Variants in PABIR3 observed in about 807,000 individuals in gnomAD.
PABIR3 encodes the protein PABIR family member 1.
Under a neutral mutation model 23.1 loss-of-function variants are expected in PABIR3, and 20 were observed. The ratio of observed to expected loss-of-function variants is 0.86; its 90% confidence interval spans 0.61 to 1.26. The LOEUF (loss-of-function observed/expected upper bound fraction) is 1.26. Ranked by LOEUF, PABIR3 falls within the 50% of genes most tolerant of loss-of-function variation. The probability of loss-of-function intolerance (pLI) is 0.00; values close to 1 mark genes in which losing one functional copy is unlikely to be tolerated. For synonymous variants in PABIR3, 69 were observed against 68.5 expected, an observed-to-expected ratio of 1.01 and a Z score of -0.04; for missense variants, 189 against 195.4, an observed-to-expected ratio of 0.97 and a Z score of 0.20.
intron 6 of PABIR3, among the ~76,000 whole-genome samples, chrX:134,846,188 C>T (rs1208736383): frequency 2.7e-5 from 3 of 111,288 alleles, no homozygotes; most frequent in Non-Finnish European, 5.6e-5. Flanking sequence ...CGTCAAATCT[C>T]GTGAGAACTC....
chrX:134,800,767 C>T (rs776862590), intron 1 of PABIR3, among the ~76,000 whole-genome samples: 6 of 111,862 alleles, frequency 5.4e-5, no homozygotes, highest in South Asian at 3.7e-4. Context: ...TCCAGCCTTG[C>T]GACAGAGCGA....
intron 2 of PABIR3, 101 bp downstream of exon 2, chrX:134,807,809 T>A: frequency 1.1e-6 from 1 of 873,250 alleles, no homozygotes; most frequent in Non-Finnish European, 1.6e-6. Flanking sequence ...GTTGAGGTTC[T>A]GCAGGTAACT....
At position 134,850,399 on chromosome X, in the gene PABIR3, T is replaced by A. The variant is rs561215560; in HGVS notation, c.589+1171T>A. Among the ~76,000 whole-genome samples, 30 of 111,898 alleles carry A rather than the reference T, an allele frequency of 2.7e-4. No homozygotes were observed. In the South Asian group the frequency reaches 3.3e-3, roughly 12 times the overall value. On this transcript the variant is annotated intron_variant, in intron 9 of 10. Transcript: ENST00000645433. ...GCATGTACTTTTTGTATTCTAAGATTAAGGGCTAGATAAATTCTGGAAAAT... is the reference window on the plus strand; with the variant it reads ...GCATGTACTTTTTGTATTCTAAGATAAAGGGCTAGATAAATTCTGGAAAAT...
At chrX:134,842,494 G>T (rs2082268089) in intron 4 of PABIR3, among the ~76,000 whole-genome samples, 2 of 111,204 alleles carry the variant, frequency 1.8e-5, no homozygotes, top group Admixed American at 1.9e-4. Flanking sequence ...TGTAGTCCCA[G>T]CTACTCAGGA....
chrX:134,845,550 C>T (rs2082404618), intron 6 of PABIR3, 149 bp downstream of exon 6: 1 of 510,198 alleles, frequency 2.0e-6, no homozygotes, highest in Admixed American at 4.2e-5. Context: ...TTTTTGAGTG[C>T]TCTTTTTAAT....
intron 1 of PABIR3, chrX:134,799,963 A>C (rs2080018010): frequency 9.3e-6 from 1 of 107,823 alleles, no homozygotes; most frequent in African/African-American, 3.4e-5. Context: ...GGTGTCAAAA[A>C]AAAAAATCCT....
Position 134,854,487 on chromosome X carries a change from T to C in PABIR3, c.*270T>C, listed in dbSNP as rs1209021709. ...ACCATGTTGAAGATACAAGCGTAAA[T>C]TGTTAGGCTGCTATTTTCTAGAAAA... On this transcript the variant is annotated 3_prime_UTR_variant, in exon 11 of 11. Transcript: ENST00000645433. The C allele has an allele frequency of 4.2e-6, 1 of 240,561 alleles. No homozygotes were observed. Among genetic ancestry groups the C allele is most frequent in the African/African-American group, 2.8e-5 (1 of 35,237 alleles). 19.8% of individuals were successfully genotyped at this position (240,561 alleles called of 1,213,427 possible).
chrX:134,827,882 A>G (rs1212769037), intron 3 of PABIR3, among the ~76,000 whole-genome samples: 3 of 108,930 alleles, frequency 2.8e-5, no homozygotes, highest in African/African-American at 1.0e-4. Context: ...TGTCCTTTGA[A>G]CCCAAATCGT....
intron 4 of PABIR3, among the ~76,000 whole-genome samples, chrX:134,841,856 A>T (rs2082245665): frequency 9.0e-6 from 1 of 110,934 alleles, no homozygotes; most frequent in East Asian, 2.8e-4. Flanking sequence ...AAAAATAAAT[A>T]AAAAAATAAA....
chrX:134,806,497 TC>T (rs764014145), upstream of PABIR3, among the ~76,000 whole-genome samples: 57 of 109,353 alleles, frequency 5.2e-4, no homozygotes, highest in Non-Finnish European at 9.5e-4. Context: ...GCACCTGTAA[TC>T]CCAGCTACTC....
intron 3 of PABIR3, among the ~76,000 whole-genome samples, chrX:134,815,677 CT>C (rs1215497909): frequency 0.011 from 1,148 of 102,898 alleles, 6 homozygotes; most frequent in Non-Finnish European, 0.018. Flanking sequence ...TTTTTCTTTT[CT>C]TTTTTTTTTT....
At chrX:134,828,163 G>A (rs1331281705) in intron 3 of PABIR3, among the ~76,000 whole-genome samples, 1 of 106,689 alleles carries the variant, frequency 9.4e-6, no homozygotes, top group Non-Finnish European at 1.9e-5. Context: ...GGAATAATAG[G>A]CATGAGCCTC....
intron 4 of PABIR3, chrX:134,834,192 T>G (rs1487004055): frequency 8.9e-6 from 1 of 112,170 alleles, no homozygotes; most frequent in Non-Finnish European, 1.9e-5. Context: ...GTTTCTTGAG[T>G]TTTTAGTCAT....
At chrX:134,859,758 C>T (rs777432033), downstream of PABIR3, among the ~76,000 whole-genome samples, 18 of 112,103 alleles carry the variant, frequency 1.6e-4, no homozygotes, top group Admixed American at 7.6e-4. Flanking sequence ...AGCCTTCTGA[C>T]GTTAAGTTGG....
intron 3 of PABIR3, among the ~76,000 whole-genome samples, chrX:134,828,047 C>CTCTCTCTCTCTCTATATA (rs1466733144): frequency 1.4e-4 from 7 of 49,407 alleles, no homozygotes; most frequent in African/African-American, 5.8e-4. Flanking sequence ...CTCTCTCTCT[C>CTCTCTCTCTCTCTATATA]TATATATATA....
intron 3 of PABIR3, among the ~76,000 whole-genome samples, chrX:134,816,710 G>A (rs751329489): frequency 1.8e-5 from 2 of 111,796 alleles, no homozygotes; most frequent in African/African-American, 6.5e-5. Flanking sequence ...TTTGATTACA[G>A]ACTCTATCTC....
chrX:134,809,915 ATACAT>A (rs1283255100), intron 2 of PABIR3: 2 of 752,389 alleles, frequency 2.7e-6, no homozygotes, highest in Non-Finnish European at 3.1e-6. Flanking sequence ...CCAAAAAAAA[ATACAT>A]TACCTTTTTA....
chrX:134,836,929 C>T (rs1031796750), intron 4 of PABIR3, among the ~76,000 whole-genome samples: 2 of 111,404 alleles, frequency 1.8e-5, no homozygotes, highest in Non-Finnish European at 3.8e-5. Flanking sequence ...TTGAGCTGGG[C>T]GTGGTGGTTC....
intron 4 of PABIR3, among the ~76,000 whole-genome samples, chrX:134,837,214 G>C (rs1229434621): frequency 9.1e-6 from 1 of 109,812 alleles, no homozygotes; most frequent in African/African-American, 3.3e-5. Flanking sequence ...GACCTGGTGA[G>C]GCATGCCTGT....
Sources: allele counts gnomAD v4.1 joint callset (sites outside exome capture counted in the v4.1 genomes callset), GRCh38; gene constraint gnomAD v4.1.1; transcripts MANE v1.5; gene names NCBI Gene and HGNC (gene_info 2026-07-23, HGNC 2026-07-21).